Variants in ZNF513 observed in about 807,000 individuals in gnomAD.
ZNF513 encodes the protein zinc finger protein 513.
In ZNF513, 16 loss-of-function variants were observed where a neutral mutation model predicts 39.7. The ratio of observed to expected loss-of-function variants is 0.40; its 90% CI spans 0.27 to 0.61. The LOEUF (loss-of-function observed/expected upper bound fraction) is 0.61. Ranked by LOEUF, ZNF513 falls within the 20% of genes least tolerant of loss-of-function variation. ZNF513 has a pLI of 0.39. For missense variants in ZNF513, 699 were observed against 743.6 expected (o/e 0.94, Z 0.70); for synonymous variants, 348 against 296.5 (o/e 1.17, Z -1.79).
At position 27,378,058 on chromosome 2, in the gene ZNF513, A is replaced by G. The variant is rs1683426631; in HGVS notation, c.1113T>C (p.Tyr371=). The change falls in exon 4 of 4, where the codon TAT becomes TAC. Residue 371 remains tyrosine (Y), a synonymous_variant. Coordinates refer to ENST00000323703, the MANE Select transcript of ZNF513 (RefSeq NM_144631.6). This position sits in a 1 kb window ranked among gnomAD's most constrained non-coding sequence, Gnocchi z 8.0. ...ACSLCPFATH[Y]PNHLARHMKT... The stretch of plus-strand genomic sequence containing the variant: ...TCATGTGCCGGGCCAGGTGGTTGGG[A>G]TAGTGAGTGGCAAAGGGGCAGAGGC... 6.2e-7 allele frequency: 1 copy of G among 1,610,756 alleles called. No homozygotes were observed. The highest frequency in any genetic ancestry group is 8.5e-7 in the Non-Finnish European group (1 of 1,177,698).
chr2:27,380,115 C>G lies in ZNF513; in HGVS notation c.189G>C (p.Met63Ile). ...CACCTTCCGAGTCTCTCTCGAAGCCCATGAGCTGGTCACTGTTGCCGTCGC... is the reference window on the plus strand; with the variant it reads ...CACCTTCCGAGTCTCTCTCGAAGCCGATGAGCTGGTCACTGTTGCCGTCGC... ...EEGDGNSDQL[M>I]GFERDSEGDS... Residue 63 changes from methionine to isoleucine, a missense_variant, in exon 2 of 4, where the codon ATG (methionine) becomes ATC (isoleucine). By Grantham distance (10) the Met-to-Ile change is conservative. This residue lies in a region of ZNF513 where 530 missense variants were observed against 499.3 expected (regional missense o/e 1.06). Transcript: ENST00000323703. 6.2e-7 allele frequency: 1 copy of G among 1,614,154 alleles called. No homozygotes were observed.
At chr2:27,380,448 C>T in intron 1 of ZNF513, 24 bp downstream of exon 1, 3 of 1,590,508 alleles carry the variant, frequency 1.9e-6, no homozygotes, top group African/African-American at 1.3e-5. Flanking sequence ...CGCTCCTCTC[C>T]CCTCAAGGCC....
Position 27,380,268 on chromosome 2 carries a change from T to TG in ZNF513, c.56-21dup. On this transcript the variant is annotated intron_variant, in intron 1 of 3. Transcript: ENST00000323703. ...TATCCACTGAAGAGGGGAGGGGGCT[T>TG]GTGGATTCTCCCTCAGGAACCAGCC... The TG allele has an allele frequency of 6.2e-7, 1 of 1,613,870 alleles. No individual in the cohort carries two copies. The highest frequency in any genetic ancestry group is 8.5e-7 in the Non-Finnish European group (1 of 1,179,950).
At position 27,380,550 on chromosome 2, in the gene ZNF513, GCCTCCGGCCTGCGGCCGCCCGACCCCGCC is replaced by G; in HGVS notation, c.-53_-25del. 1 of 1,550,560 alleles carries G rather than the reference GCCTCCGGCCTGCGGCCGCCCGACCCCGCC, an allele frequency of 6.4e-7. No individual in the cohort carries two copies. Among genetic ancestry groups the G allele is most frequent in the Non-Finnish European group, 8.8e-7 (1 of 1,140,452 alleles). Reference sequence around the variant, plus strand: ...ATCGTGACCGGCTCCAGCCCGACGCGCCTCCGGCCTGCGGCCGCCCGACCCCGCCCCTCCTATCTCGGCCCGCCTGTCTG... The same window carrying G: ...ATCGTGACCGGCTCCAGCCCGACGCGCCTCCTATCTCGGCCCGCCTGTCTG... On this transcript the variant is annotated 5_prime_UTR_variant, in exon 1 of 4. Coordinates refer to ENST00000323703, the MANE Select transcript of ZNF513 (RefSeq NM_144631.6).
At chr2:27,380,389 A>C in intron 1 of ZNF513, 83 bp downstream of exon 1, 1 of 1,580,636 alleles carries the variant, frequency 6.3e-7, no homozygotes, top group Non-Finnish European at 8.6e-7. Flanking sequence ...TTCATCCCTC[A>C]GGAGTCCCCC....
intron 1 of ZNF513, 98 bp downstream of exon 1, chr2:27,380,374 C>T (rs997321260): frequency 1.3e-6 from 2 of 1,587,604 alleles, no homozygotes; most frequent in East Asian, 2.3e-5. Flanking sequence ...GTCTGGATCG[C>T]CCACTTCATC....
At position 27,377,991 on chromosome 2, in the gene ZNF513, G is replaced by A; in HGVS notation, c.1180C>T (p.Pro394Ser). Residue 394 changes from proline (P) to serine (S), a missense_variant, in exon 4 of 4, where the codon CCT (proline) becomes TCT (serine). By Grantham distance (74) the Pro-to-Ser change is moderately conservative. This residue lies in a region of ZNF513 where 98 missense variants were observed against 180.2 expected (regional missense o/e 0.54). Coordinates refer to ENST00000323703, the MANE Select transcript of ZNF513 (RefSeq NM_144631.6). The surrounding 1 kb of genome is among the most constrained non-coding windows in gnomAD (Gnocchi z 4.4). ...TTATCCAGATGAGCAGAGGCATAAG[G>A]ACAGCGGGCGCAGCGGAAGGGCTTC... ...GEKPFRCARC[P>S]YASAHLDNLK... The A allele has an allele frequency of 6.2e-7, 1 of 1,612,446 alleles. No homozygotes were observed. Among genetic ancestry groups the A allele is most frequent in the Non-Finnish European group, 8.5e-7 (1 of 1,178,986 alleles).
chr2:27,380,648 GGGCCCTGGGCAGCCCCCGGCCCT>G lies in ZNF513; in HGVS notation c.-145_-123del, dbSNP rs1474620701. The G allele has an allele frequency of 7.3e-7, 1 of 1,365,692 alleles. No individual in the cohort carries two copies. Among genetic ancestry groups the G allele is most frequent in the African/African-American group, 1.6e-5 (1 of 64,468 alleles). The allele number at this position is 1,365,692 out of a possible 1,614,324, so 84.6% of individuals were successfully genotyped here. ...GCGGGCCGCCCCCATGCAGCGGCGC[GGGCCCTGGGCAGCCCCCGGCCCT>G]GGCCCCGGCGCCCAGCTCAGGCCGC... On this transcript the variant is annotated 5_prime_UTR_variant, in exon 1 of 4. It removes the in-frame stop codon of an upstream open reading frame in the 5' UTR. Coordinates refer to ENST00000323703, the MANE Select transcript of ZNF513 (RefSeq NM_144631.6).
chr2:27,379,619 T>C (rs1361111493), intron 2 of ZNF513, among the ~76,000 whole-genome samples: 1 of 152,008 alleles, frequency 6.6e-6, no homozygotes, highest in Non-Finnish European at 1.5e-5. Context: ...GTGCAGCAAA[T>C]TAGGGTAGGG....
rs867207983 is a variant in ZNF513 at position 27,378,637 on chromosome 2, T to C, written c.629A>G (p.His210Arg). 1 of 1,613,784 alleles carries C rather than the reference T, an allele frequency of 6.2e-7. No homozygotes were observed. The highest frequency in any genetic ancestry group is 8.5e-7 in the Non-Finnish European group (1 of 1,179,916). Residue 210 changes from histidine (H) to arginine (R), a missense_variant, in exon 3 of 4, where the codon CAC becomes CGC. Around this residue, in one of 3 missense-constraint regions of ZNF513, gnomAD observed 530 missense variants for 499.3 expected, o/e 1.06. Transcript: ENST00000323703. The surrounding 1 kb of genome is among the most constrained non-coding windows in gnomAD (Gnocchi z 8.0). ...CAGGCTGCTGCAGGCAAAGGGGCAG[T>C]GGGGACAGCGGTAGGGCTTCTCGCC... ...HTGEKPYRCP[H>R]CPFACSSLGN...
chr2:27,379,132 C>T (rs1158791421), intron 2 of ZNF513, 78 bp from the exon 3 acceptor site: 3 of 1,418,082 alleles, frequency 2.1e-6, no homozygotes, highest in Non-Finnish European at 2.9e-6. Context: ...CACTTATGGT[C>T]TCCCCACTTG....
At position 27,377,274 on chromosome 2, in the gene ZNF513, TTAAA is replaced by T. The variant is rs1352307869; in HGVS notation, c.*267_*270del. Reference sequence around the variant, plus strand: ...CTTTATTATAAAGCACTGAAATAAGTTAAATAAACAGGTGGGAGGCTGGGCAGTC... The same window carrying T: ...CTTTATTATAAAGCACTGAAATAAGTTAAACAGGTGGGAGGCTGGGCAGTC... On this transcript the variant is annotated 3_prime_UTR_variant, in exon 4 of 4. Transcript: ENST00000323703. This position sits in a 1 kb window ranked among gnomAD's most constrained non-coding sequence, Gnocchi z 4.4. 17 of 608,134 alleles carry T rather than the reference TTAAA, an allele frequency of 2.8e-5. No homozygotes were observed. Among genetic ancestry groups the T allele is most frequent in the Admixed American group, 8.7e-5 (3 of 34,576 alleles). The allele number at this position is 608,134 out of a possible 1,614,324, so 37.7% of individuals were successfully genotyped here.
At position 27,378,125 on chromosome 2, in the gene ZNF513, C is replaced by G; in HGVS notation, c.1046G>C (p.Ser349Thr). ...GTCACTGGGGCCCTGGGGCCCCCCA[C>G]TGGCACCCCCTCCAGCCTCTCCTCG... ...CMRGEAGGGA[S>T]GGPQGPSDKG... Residue 349 changes from serine to threonine, a missense_variant, in exon 4 of 4, where the codon AGT (serine) becomes ACT (threonine). By Grantham distance (58) the Ser-to-Thr change is moderately conservative. Coordinates refer to ENST00000323703, the MANE Select transcript of ZNF513 (RefSeq NM_144631.6). This position sits in a 1 kb window ranked among gnomAD's most constrained non-coding sequence, Gnocchi z 8.0. 1 of 1,613,792 alleles carries G rather than the reference C, an allele frequency of 6.2e-7. No homozygotes were observed. The highest frequency in any genetic ancestry group is 2.2e-5 in the East Asian group (1 of 44,876).
chr2:27,378,675 G>A lies in ZNF513; in HGVS notation c.591C>T (p.Thr197=), dbSNP rs914508834. The A allele has an allele frequency of 6.2e-7, 1 of 1,613,812 alleles. No homozygotes were observed. Among genetic ancestry groups the A allele is most frequent in the South Asian group, 1.1e-5 (1 of 91,082 alleles). Residue 197 remains threonine, a synonymous_variant, in exon 3 of 4, where the codon ACC becomes ACT. Transcript: ENST00000323703. The surrounding 1 kb of genome is among the most constrained non-coding windows in gnomAD (Gnocchi z 8.0). ...SAQLVNLTRH[T]RTHTGEKPYR... is the part of the protein sequence containing the mutation. ...AGGGCTTCTCGCCAGTGTGGGTGCGGGTATGTCGTGTCAGGTTGACGAGCT... is the reference window on the plus strand; with the variant it reads ...AGGGCTTCTCGCCAGTGTGGGTGCGAGTATGTCGTGTCAGGTTGACGAGCT...
In ZNF513 at chr2:27,378,544, A is replaced by C. The variant is rs1232802782; in HGVS notation, c.722T>G (p.Phe241Cys). 6.2e-7 allele frequency: 1 copy of C among 1,613,940 alleles called. No individual in the cohort carries two copies. Among genetic ancestry groups the C allele is most frequent in the Non-Finnish European group, 8.5e-7 (1 of 1,180,022 alleles). ...GGCTGGTCGTGGAGTACAGCAGCGG[A>C]AGCCACAGGTCGGGCAGGGAGGAGT... The part of the protein sequence containing the change: ...PPTPPCPTCG[F>C]RCCTPRPARP... The change falls in exon 3 of 4, where the codon TTC (phenylalanine) becomes TGC (cysteine). Residue 241 changes from phenylalanine to cysteine, a missense_variant. Transcript: ENST00000323703. This position sits in a 1 kb window ranked among gnomAD's most constrained non-coding sequence, Gnocchi z 8.0.
rs748320517 is a variant in ZNF513, at chr2:27,378,660, G to A, written c.606C>T (p.Gly202=). 12 of 1,613,730 alleles carry A rather than the reference G, an allele frequency of 7.4e-6. No individual in the cohort carries two copies. The highest frequency in any genetic ancestry group is 3.3e-5 in the South Asian group (3 of 91,072). The change falls in exon 3 of 4, where the codon GGC becomes GGT. Residue 202 remains glycine, a synonymous_variant. Coordinates refer to ENST00000323703, the MANE Select transcript of ZNF513 (RefSeq NM_144631.6). The surrounding 1 kb of genome is among the most constrained non-coding windows in gnomAD (Gnocchi z 8.0). ...NLTRHTRTHT[G]EKPYRCPHCP... is the part of the protein sequence containing the mutation. ...AGTGGGGACAGCGGTAGGGCTTCTC[G>A]CCAGTGTGGGTGCGGGTATGTCGTG...
rs1296521826 is a variant in ZNF513 at position 27,377,784 on chromosome 2, T to C, written c.1387A>G (p.Met463Val). 5.6e-6 allele frequency: 9 copies of C among 1,614,166 alleles called. No individual in the cohort carries two copies. Among genetic ancestry groups the C allele is most frequent in the Non-Finnish European group, 7.6e-6 (9 of 1,180,016 alleles). ...CNQSMNLKRH[M>V]LRHTGEKPFR... is the part of the protein sequence containing the mutation. ...GGCTTCTCGCCTGTGTGCCGCAGCA[T>C]GTGACGTTTGAGGTTCATGCTCTGG... The change falls in exon 4 of 4, where the codon ATG (methionine) becomes GTG (valine). Residue 463 changes from methionine (M) to valine (V), a missense_variant. By Grantham distance (21) the Met-to-Val change is conservative. Transcript: ENST00000323703. This position sits in a 1 kb window ranked among gnomAD's most constrained non-coding sequence, Gnocchi z 4.4.
rs1359059371 is a variant in ZNF513 at position 27,378,186 on chromosome 2, T to C, written c.985A>G (p.Ser329Gly). 2.5e-6 allele frequency: 4 copies of C among 1,611,156 alleles called. No homozygotes were observed. The highest frequency in any genetic ancestry group is 1.7e-5 in the Admixed American group (1 of 60,018). Reference sequence around the variant, plus strand: ...CCACACATGGCAGCTCCCAGCCGACTACCCTCACCCTCCTCCAGCTCTTGT... The same window carrying C: ...CCACACATGGCAGCTCCCAGCCGACCACCCTCACCCTCCTCCAGCTCTTGT... Reference protein sequence around the residue: ...CGQELEEGEGSRLGAAMCGRC... With the variant: ...CGQELEEGEGGRLGAAMCGRC... The change falls in exon 4 of 4, where the codon AGT becomes GGT. Residue 329 changes from serine (S) to glycine (G), a missense_variant. Around this residue, in one of 3 missense-constraint regions of ZNF513, gnomAD observed 530 missense variants for 499.3 expected, o/e 1.06. Coordinates refer to ENST00000323703, the MANE Select transcript of ZNF513 (RefSeq NM_144631.6). This position sits in a 1 kb window ranked among gnomAD's most constrained non-coding sequence, Gnocchi z 8.0.
rs913442333 is a variant in ZNF513, at chr2:27,378,922, C to T, written c.344G>A (p.Arg115Lys). The change falls in exon 3 of 4, where the codon AGG becomes AAG. Residue 115 changes from arginine to lysine, a missense_variant. This residue lies in a region of ZNF513 where 530 missense variants were observed against 499.3 expected (regional missense o/e 1.06). Transcript: ENST00000323703. This position sits in a 1 kb window ranked among gnomAD's most constrained non-coding sequence, Gnocchi z 8.0. ...ACACAGCTGGCAGGCTGGGCCTGGCCTCTCACCCCTGGCCTCCCCTGGACC... is the reference window on the plus strand; with the variant it reads ...ACACAGCTGGCAGGCTGGGCCTGGCTTCTCACCCCTGGCCTCCCCTGGACC... ...ARGPGEARGE[R>K]PGPACQLCGG... The T allele has an allele frequency of 6.2e-7, 1 of 1,608,166 alleles. No individual in the cohort carries two copies. The highest frequency in any genetic ancestry group is 8.5e-7 in the Non-Finnish European group (1 of 1,177,042).
Sources: gnomAD v4.1 joint callset for allele counts (sites outside exome capture counted in the v4.1 genomes callset) on GRCh38, gnomAD v4.1.1 for gene constraint, gnomAD v4.1.1 regional missense constraint, Gnocchi (gnomAD v3.1) non-coding constraint, MANE v1.5 for transcripts, NCBI Gene and HGNC (gene_info 2026-07-23, HGNC 2026-07-21) for gene names.